The following MYO15A variants were observed in gnomAD, a reference collection of about 807,000 sequenced individuals.
The protein encoded by MYO15A is myosin XVA, also known as unconventional myosin-XV.
In MYO15A, 308 loss-of-function variants were observed where a neutral mutation model predicts 394.6. That is an observed-to-expected ratio of 0.78 (90% CI 0.71 to 0.86). The LOEUF (loss-of-function observed/expected upper bound fraction) is 0.86, where lower values mean the gene tolerates loss of function less well. Among genes scored for constraint, MYO15A ranks in the 40% least tolerant of loss-of-function variants. The pLI is 0.00. For missense variants in MYO15A, 4,606 were observed against 4,799.1 expected, an observed-to-expected ratio of 0.96 and a Z score of 1.19; for synonymous variants, 1,957 against 2,003.8, an observed-to-expected ratio of 0.98 and a Z score of 0.62.
At position 18,163,292 on chromosome 17, in the gene MYO15A, G is replaced by T; in HGVS notation, c.9661G>T (p.Glu3221Ter). 6.2e-7 allele frequency: 1 copy of T among 1,614,206 alleles called. No homozygotes were observed. Among genetic ancestry groups the T allele is most frequent in the South Asian group, 1.1e-5 (1 of 91,082 alleles). The stretch of plus-strand genomic sequence containing the variant: ...ACTCTTTCTTCTTCCTGGAGGCCTT[G>T]AACGCCATCTCAAAATCAAAACATG... ...RQLFLLPGGL[E>*]RHLKIKTCTV... is the part of the protein sequence containing the mutation. Residue 3221 changes from glutamate (E) to a stop codon, truncating the protein, a stop_gained, in exon 59 of 66, where the codon GAA (glutamate) becomes TAA (stop). Transcript: ENST00000647165. LOFTEE classifies it high-confidence loss of function.
rs2046630657 is a variant in MYO15A at position 18,153,958 on chromosome 17, A to AGGGGAGGGGCTGAAGCGG, written c.8088+63_8088+64insGGGAGGGGCTGAAGCGGG. On this transcript the variant is annotated intron_variant, in intron 43 of 65. Transcript: ENST00000647165. The surrounding 1 kb of genome is among the most constrained non-coding windows in gnomAD (Gnocchi z 4.1). ...GCGGGGCAGGGGAGGGGCTGAAGCG[A>AGGGGAGGGGCTGAAGCGG]GCAGAGGAGGGTCTAGGACTTGGGG... 6.8e-6 allele frequency: 11 copies of AGGGGAGGGGCTGAAGCGG among 1,610,952 alleles called. No individual in the cohort carries two copies. The highest frequency in any genetic ancestry group is 2.7e-5 in the African/African-American group (2 of 74,784).
chr17:18,144,703 C>T, intron 29 of MYO15A, 111 bp downstream of exon 29: 4 of 964,580 alleles, frequency 4.1e-6, no homozygotes, highest in Non-Finnish European at 6.5e-6. Flanking sequence ...ATGAGCCCCA[C>T]ACCTCTTCCC....
At chr17:18,158,385 G>A (rs2046719906) in intron 51 of MYO15A, 138 bp from the exon 52 acceptor site, 3 of 704,638 alleles carry the variant, frequency 4.3e-6, no homozygotes, top group African/African-American at 1.8e-5. Context: ...ACGGGATGCG[G>A]GTGGGTCCAC....
intron 65 of MYO15A, chr17:18,177,060 TC>T (rs1354193610): frequency 6.6e-6 from 1 of 152,262 alleles, no homozygotes; most frequent in Admixed American, 6.6e-5. Context: ...TTTTCCCACT[TC>T]CTTGCAGCAC....
At chr17:18,111,492 G>A (rs2045721353) in intron 1 of MYO15A, among the ~76,000 whole-genome samples, 1 of 152,182 alleles carries the variant, frequency 6.6e-6, no homozygotes, top group African/African-American at 2.4e-5. Context: ...CACAACTAAT[G>A]CACAAGTAAT....
rs376707136 is a variant in MYO15A at position 18,162,657 on chromosome 17, G to A, written c.9590G>A (p.Ser3197Asn). The change falls in exon 58 of 66, where the codon AGC (serine) becomes AAC (asparagine). Residue 3197 changes from serine (S) to asparagine (N), a missense_variant. Physicochemically the swap from Ser to Asn is conservative, Grantham distance 46 (BLOSUM62 1). Transcript: ENST00000647165. ...GGAGGTCGTCTGGAGCTCCCCAGCAGCATAGAGCTTCGGGCCATGTTGGTG... is the reference window on the plus strand; with the variant it reads ...GGAGGTCGTCTGGAGCTCCCCAGCAACATAGAGCTTCGGGCCATGTTGGTG... Reference protein sequence around the residue: ...RFGGRLELPSSIELRAMLAGR... With the variant: ...RFGGRLELPSNIELRAMLAGR... The A allele has an allele frequency of 2.5e-6, 4 of 1,613,916 alleles. No homozygotes were observed. In the African/African-American group the frequency reaches 5.3e-5, roughly 22 times the overall value.
At chr17:18,161,848 G>GGCAGA (rs1179035495) in intron 57 of MYO15A, among the ~76,000 whole-genome samples, 2 of 152,034 alleles carry the variant, frequency 1.3e-5, no homozygotes, top group African/African-American at 4.8e-5. Context: ...GAGGGATCTG[G>GGCAGA]GCAGAGGTGG....
At chr17:18,141,357 T>C (rs2046376559) in intron 22 of MYO15A, among the ~76,000 whole-genome samples, 1 of 152,242 alleles carries the variant, frequency 6.6e-6, no homozygotes, top group Non-Finnish European at 1.5e-5. Flanking sequence ...GTATAATATG[T>C]CTAATCAACG....
chr17:18,138,666 AG>A (rs1475068640), intron 17 of MYO15A, 144 bp from the exon 18 acceptor site: 18 of 1,188,386 alleles, frequency 1.5e-5, no homozygotes, highest in Non-Finnish European at 1.9e-5. Context: ...CTTCTGACCC[AG>A]GGAGATGGGC....
intron 60 of MYO15A, chr17:18,165,128 C>G (rs537564104): frequency 6.8e-6 from 1 of 148,110 alleles, no homozygotes; most frequent in Non-Finnish European, 1.5e-5. Flanking sequence ...ATTCTGTGAA[C>G]TCTTTTAATC....
chr17:18,141,938 C>A, intron 23 of MYO15A, 141 bp from the exon 24 acceptor site: 1 of 1,245,380 alleles, frequency 8.0e-7, no homozygotes, highest in Non-Finnish European at 1.2e-6. Flanking sequence ...TCTTCAACCT[C>A]TCCAAGTCCA....
intron 47 of MYO15A, chr17:18,155,828 G>A (rs1196977191): frequency 9.5e-6 from 4 of 420,664 alleles, no homozygotes; most frequent in Non-Finnish European, 1.3e-5. Flanking sequence ...TTTTTAACAC[G>A]AGGATGGGAA....
Position 18,120,806 on chromosome 17 carries a change from C to G in MYO15A, c.2006C>G (p.Pro669Arg). ...CTGTCTCCGCCCGTGCCCCCGCGGC[C>G]CCCAAGCTCCGGGCCCCCGCCCGCG... ...ALLSPPVPPR[P>R]PSSGPPPAPP... Residue 669 changes from proline to arginine, a missense_variant, in exon 2 of 66, where the codon CCC becomes CGC. Pro to Arg is a moderately radical substitution (Grantham distance 103). Around this residue, in one of 2 missense-constraint regions of MYO15A, gnomAD observed 1,830 missense variants for 1,689.7 expected, o/e 1.08. Transcript: ENST00000647165. The G allele has an allele frequency of 7.8e-7, 1 of 1,277,210 alleles. No individual in the cohort carries two copies. Among genetic ancestry groups the G allele is most frequent in the Non-Finnish European group, 9.9e-7 (1 of 1,013,854 alleles). The allele number at this position is 1,277,210 out of a possible 1,614,324, so 79.1% of individuals were successfully genotyped here.
chr17:18,152,245 A>G (rs571550718), intron 42 of MYO15A, 61 bp downstream of exon 42: 1 of 1,495,474 alleles, frequency 6.7e-7, no homozygotes, highest in East Asian at 2.5e-5. Context: ...GTCTGTGGGC[A>G]CAGGTGAGTG....
At chr17:18,135,415 C>T (rs1214342977) in intron 12 of MYO15A, among the ~76,000 whole-genome samples, 2 of 152,240 alleles carry the variant, frequency 1.3e-5, no homozygotes, top group East Asian at 1.9e-4. Context: ...GGTTTCGGCT[C>T]GCCACAACCT....
At chr17:18,125,812 G>C (rs1468537701) in intron 4 of MYO15A, among the ~76,000 whole-genome samples, 1 of 151,458 alleles carries the variant, frequency 6.6e-6, no homozygotes, top group Non-Finnish European at 1.5e-5. Context: ...TCTGGGACCT[G>C]ACAGATAGAA....
rs2280777 is a variant in MYO15A, at chr17:18,138,193, C to T, written c.4954C>T (p.Leu1652=). The change falls in exon 17 of 66, where the codon CTG becomes TTG. Residue 1652 remains leucine (L), a synonymous_variant. Coordinates refer to ENST00000647165, the MANE Select transcript of MYO15A (RefSeq NM_016239.4). Reference sequence around the variant, plus strand: ...CCAGCCCTGCATCAACCTCATCTCACTGAAGCCTTATGGCATCCTGCGGAT... The same window carrying T: ...CCAGCCCTGCATCAACCTCATCTCATTGAAGCCTTATGGCATCCTGCGGAT... ...DNQPCINLIS[L]KPYGILRILD... is the part of the protein sequence containing the mutation. 0.53 allele frequency: 862,166 copies of T among 1,613,386 alleles called. 233,604 individuals are homozygous for T. Among genetic ancestry groups the T allele is most frequent in the Admixed American group, 0.62 (37,461 of 60,022 alleles).
chr17:18,178,947 G>A lies in MYO15A; in HGVS notation c.*77G>A. Reference sequence around the variant, plus strand: ...TCAGAGAAATCACTGAACCTCTCAGGATCAATGACCCCTGTAAGGGGCCAG... The same window carrying A: ...TCAGAGAAATCACTGAACCTCTCAGAATCAATGACCCCTGTAAGGGGCCAG... On this transcript the variant is annotated 3_prime_UTR_variant, in exon 66 of 66. Transcript: ENST00000647165. 1 of 1,436,248 alleles carries A rather than the reference G, an allele frequency of 7.0e-7. No individual in the cohort carries two copies. The highest frequency in any genetic ancestry group is 9.6e-7 in the Non-Finnish European group (1 of 1,039,674). 89.0% of individuals were successfully genotyped at this position (1,436,248 alleles called of 1,614,324 possible).
rs752919676 is a variant in MYO15A at position 18,119,439 on chromosome 17, A to G, written c.639A>G (p.Pro213=). 1.2e-6 allele frequency: 2 copies of G among 1,612,420 alleles called. No individual in the cohort carries two copies. Among genetic ancestry groups the G allele is most frequent in the South Asian group, 2.2e-5 (2 of 91,072 alleles). Residue 213 remains proline (P), a synonymous_variant, in exon 2 of 66, where the codon CCA becomes CCG. Coordinates refer to ENST00000647165, the MANE Select transcript of MYO15A (RefSeq NM_016239.4). ...TCCTGCCCTTCGAGGACGAGGCCCC[A>G]TTCCATCACTCGGGCTCCCGCAAGT... ...LGFLPFEDEA[P]FHHSGSRKSL...
Sources: gnomAD v4.1 joint callset for allele counts (sites outside exome capture counted in the v4.1 genomes callset) on GRCh38, gnomAD v4.1.1 for gene constraint, gnomAD v4.1.1 regional missense constraint, Gnocchi (gnomAD v3.1) non-coding constraint, MANE v1.5 for transcripts, NCBI Gene and HGNC (gene_info 2026-07-23, HGNC 2026-07-21) for gene names.